The following CEP112 variants were observed in gnomAD, a reference collection of about 807,000 sequenced individuals.
The protein encoded by CEP112 is centrosomal protein 112, also known as centrosomal protein of 112 kDa.
A neutral mutation model predicts 153.0 loss-of-function variants in CEP112; 127 were observed. That is an observed-to-expected ratio of 0.83 (90% CI 0.72 to 0.96). The LOEUF is 0.96. Ranked by LOEUF, CEP112 falls within the 40% of genes least tolerant of loss-of-function variation. The pLI, the probability that CEP112 is intolerant of heterozygous loss-of-function variation, is 0.00. For synonymous variants in CEP112, 358 were observed against 374.4 expected, an observed-to-expected ratio of 0.96 and a Z score of 0.51; for missense variants, 1,089 against 1,101.2, an observed-to-expected ratio of 0.99 and a Z score of 0.16.
intron 23 of CEP112, among the ~76,000 whole-genome samples, chr17:65,741,365 A>G (rs1274788619): frequency 2.0e-5 from 3 of 152,106 alleles, no homozygotes; most frequent in African/African-American, 7.2e-5. Context: ...AATGTCATTT[A>G]CTTTATGTAT....
intron 6 of CEP112, among the ~76,000 whole-genome samples, chr17:66,119,030 TTA>T (rs1790089479): frequency 6.6e-6 from 1 of 152,064 alleles, no homozygotes; most frequent in Non-Finnish European, 1.5e-5. Context: ...AGAAAAAAGA[TTA>T]TGTCTTTGCA....
At chr17:65,785,637 T>C (rs2054240100) in intron 21 of CEP112, among the ~76,000 whole-genome samples, 1 of 152,214 alleles carries the variant, frequency 6.6e-6, no homozygotes, top group African/African-American at 2.4e-5. Flanking sequence ...AAGTTCAGTT[T>C]ATCTATTTTT....
chr17:65,736,328 G>C (rs1037190991), intron 23 of CEP112, among the ~76,000 whole-genome samples: 8 of 152,114 alleles, frequency 5.3e-5, no homozygotes, highest in African/African-American at 1.9e-4. Context: ...GAGCAGGCTG[G>C]GGCTGGGAGA....
intron 1 of CEP112, among the ~76,000 whole-genome samples, chr17:66,185,427 T>G (rs1283972378): frequency 1.3e-5 from 2 of 152,168 alleles, no homozygotes; most frequent in Non-Finnish European, 2.9e-5. Context: ...TTCACCATGT[T>G]GGTCAGGCTG....
chr17:65,872,305 C>G (rs2058691649), intron 20 of CEP112, among the ~76,000 whole-genome samples: 1 of 151,834 alleles, frequency 6.6e-6, no homozygotes, highest in Middle Eastern at 3.5e-3. Flanking sequence ...ATAAATAGCT[C>G]TATAATAAAA....
intron 17 of CEP112, among the ~76,000 whole-genome samples, chr17:65,988,684 C>T (rs979798334): frequency 6.6e-6 from 1 of 151,948 alleles, no homozygotes; most frequent in Non-Finnish European, 1.5e-5. Context: ...ATTGAAAGAA[C>T]CTGTGAGCTT....
In CEP112 at chr17:65,800,783, T is replaced by C. The variant is rs77374794; in HGVS notation, c.2395-50059A>G. Among the ~76,000 whole-genome samples the C allele has an allele frequency of 2.7e-3, 408 of 152,348 alleles. 1 individual carries two copies. Among genetic ancestry groups the C allele is most frequent in the African/African-American group, 9.5e-3 (396 of 41,582 alleles). ...CTTTTCCAACACTTCCTATTGTTTG[T>C]CTTTTTTAATACAGCCATCCTAGGG... On this transcript the variant is annotated intron_variant, in intron 21 of 26. Coordinates refer to ENST00000535342, the MANE Select transcript of CEP112 (RefSeq NM_001199165.4).
chr17:66,070,065 T>C, intron 8 of CEP112, 64 bp from the exon 9 acceptor site: 1 of 824,788 alleles, frequency 1.2e-6, no homozygotes, highest in Non-Finnish European at 2.0e-6. Flanking sequence ...AATACACAAT[T>C]AAACTAAAAT....
chr17:65,919,761 T>G (rs1345975822), intron 19 of CEP112, among the ~76,000 whole-genome samples: 1 of 152,172 alleles, frequency 6.6e-6, no homozygotes, highest in Non-Finnish European at 1.5e-5. Context: ...GGAAACTTAC[T>G]TTCTCACAAG....
chr17:65,975,763 T>C (rs2063010427), intron 17 of CEP112, among the ~76,000 whole-genome samples: 1 of 152,230 alleles, frequency 6.6e-6, no homozygotes, highest in Non-Finnish European at 1.5e-5. Flanking sequence ...TATTCTGTTT[T>C]ACTTAAGGTA....
chr17:65,666,293 C>T (rs1000695011), intron 24 of CEP112, among the ~76,000 whole-genome samples: 1 of 152,202 alleles, frequency 6.6e-6, no homozygotes, highest in African/African-American at 2.4e-5. Context: ...CCTCAATGGA[C>T]CTTCTCCATT....
At chr17:66,150,726 A>C (rs2071171899) in intron 4 of CEP112, among the ~76,000 whole-genome samples, 1 of 152,210 alleles carries the variant, frequency 6.6e-6, no homozygotes, top group African/African-American at 2.4e-5. Context: ...TATTCCTCAA[A>C]TCTTCTACAT....
intron 6 of CEP112, among the ~76,000 whole-genome samples, chr17:66,120,581 A>AT (rs1169919292): frequency 6.6e-6 from 1 of 152,146 alleles, no homozygotes; most frequent in African/African-American, 2.4e-5. Flanking sequence ...TCTTAAGTGA[A>AT]TTTTTGGTAG....
At chr17:66,028,909 A>C (rs924571067) in intron 14 of CEP112, among the ~76,000 whole-genome samples, 7 of 152,110 alleles carry the variant, frequency 4.6e-5, no homozygotes, top group African/African-American at 1.7e-4. Context: ...AGCAGAATTC[A>C]GTTTATTAAA....
chr17:65,723,784 C>A (rs2050026323), intron 23 of CEP112, among the ~76,000 whole-genome samples: 1 of 152,160 alleles, frequency 6.6e-6, no homozygotes, highest in Non-Finnish European at 1.5e-5. Flanking sequence ...ATTATTTACA[C>A]ATAAAAATAA....
At chr17:65,661,254 C>T (rs2046372726) in intron 24 of CEP112, among the ~76,000 whole-genome samples, 1 of 152,210 alleles carries the variant, frequency 6.6e-6, no homozygotes, top group South Asian at 2.1e-4. Context: ...CACCCTCCCA[C>T]AGCCTTCTAG....
chr17:65,780,631 A>G (rs952016515), intron 21 of CEP112, among the ~76,000 whole-genome samples: 3 of 152,128 alleles, frequency 2.0e-5, no homozygotes, highest in Non-Finnish European at 4.4e-5. Flanking sequence ...ACAAATGTCA[A>G]AGGAAACTGA....
intron 17 of CEP112, among the ~76,000 whole-genome samples, chr17:65,970,226 G>T (rs975228772): frequency 2.3e-5 from 1 of 42,968 alleles, no homozygotes; most frequent in African/African-American, 6.7e-5. Context: ...CATATACCAT[G>T]CATATATGCA....
intron 17 of CEP112, among the ~76,000 whole-genome samples, chr17:65,962,571 C>T (rs752562433): frequency 1.1e-4 from 16 of 152,244 alleles, no homozygotes; most frequent in East Asian, 3.9e-4. Flanking sequence ...TCTAACTAGG[C>T]GCTGGGTATT....
Sources: allele counts gnomAD v4.1 joint callset (sites outside exome capture counted in the v4.1 genomes callset), GRCh38; gene constraint gnomAD v4.1.1; transcripts MANE v1.5; gene names NCBI Gene and HGNC (gene_info 2026-07-23, HGNC 2026-07-21).